Variants in ZNF267 observed in about 807,000 individuals in gnomAD.
ZNF267 encodes the protein zinc finger protein 267.
Under a neutral mutation model 71.6 loss-of-function variants are expected in ZNF267, and 61 were observed. The ratio of observed to expected loss-of-function variants is 0.85; its 90% CI spans 0.69 to 1.05. The LOEUF is 1.05. Among genes scored for constraint, ZNF267 ranks in the 50% least tolerant of loss-of-function variants. The pLI is 0.00. For synonymous variants in ZNF267, 288 were observed against 293.2 expected (o/e 0.98, Z 0.18); for missense variants, 852 against 870.0 (o/e 0.98, Z 0.26).
intron 3 of ZNF267, chr16:31,894,975 A>G: frequency 3.0e-6 from 1 of 334,164 alleles, no homozygotes; most frequent in South Asian, 3.1e-5. Flanking sequence ...TCTAGCATGC[A>G]GACCATCAAT....
rs146202698 is a variant in ZNF267 at position 31,906,161 on chromosome 16, G to T, written c.227-8315G>T. Among the ~76,000 whole-genome samples, 235 of 152,290 alleles carry T rather than the reference G, an allele frequency of 1.5e-3. 1 individual carries two copies. Among genetic ancestry groups the T allele is most frequent in the African/African-American group, 5.3e-3 (221 of 41,552 alleles). On this transcript the variant is annotated intron_variant, in intron 3 of 3. Transcript: ENST00000300870. ...CCTCTGGAAGTTTTGTCTCAGAGGAGTACCCGGCCGTGTGAGGTGTCAGTC... is the reference window on the plus strand; with the variant it reads ...CCTCTGGAAGTTTTGTCTCAGAGGATTACCCGGCCGTGTGAGGTGTCAGTC...
At position 31,916,274 on chromosome 16, in the gene ZNF267, C is replaced by T; in HGVS notation, c.2025C>T (p.Leu675=). ...CGKAFNSRSY[L]TTHRRRHTGE... ...AAGCCTTCAACTCTAGGTCATACCTCACTACACATCGGAGAAGACATACTG... is the reference window on the plus strand; with the variant it reads ...AAGCCTTCAACTCTAGGTCATACCTTACTACACATCGGAGAAGACATACTG... Residue 675 remains leucine (L), a synonymous_variant, in exon 4 of 4, where the codon CTC becomes CTT. Coordinates refer to ENST00000300870, the MANE Select transcript of ZNF267 (RefSeq NM_003414.6). 6.2e-7 allele frequency: 1 copy of T among 1,613,982 alleles called. No individual in the cohort carries two copies. The highest frequency in any genetic ancestry group is 8.5e-7 in the Non-Finnish European group (1 of 1,179,994).
rs1351179481 is a variant in ZNF267, at chr16:31,915,639, T to C, written c.1390T>C (p.Tyr464His). ...HQTTHTGEKLYKCKVCSKSYA... is the reference protein window; with the variant it reads ...HQTTHTGEKLHKCKVCSKSYA... Reference sequence around the variant, plus strand: ...GACAACTCATACAGGAGAAAAACTTTACAAATGTAAAGTATGTAGCAAATC... The same window carrying C: ...GACAACTCATACAGGAGAAAAACTTCACAAATGTAAAGTATGTAGCAAATC... Residue 464 changes from tyrosine (Y) to histidine (H), a missense_variant, in exon 4 of 4, where the codon TAC (tyrosine) becomes CAC (histidine). By Grantham distance (83) the Tyr-to-His change is moderately conservative. Transcript: ENST00000300870. The C allele has an allele frequency of 1.2e-6, 2 of 1,613,922 alleles. No homozygotes were observed. Among genetic ancestry groups the C allele is most frequent in the African/African-American group, 1.3e-5 (1 of 75,062 alleles).
At chr16:31,899,956 G>A (rs186862940) in intron 3 of ZNF267, among the ~76,000 whole-genome samples, 22 of 152,012 alleles carry the variant, frequency 1.4e-4, no homozygotes, top group Admixed American at 5.9e-4. Flanking sequence ...CTAGCTGCCA[G>A]TTGCATTTTA....
In ZNF267 at chr16:31,900,753, C is replaced by A. The variant is rs1016493025; in HGVS notation, c.227-13723C>A. Reference sequence around the variant, plus strand: ...GTCACTGTGCCCGGCCCCAAGAATTCTTTCTTTTTTTTTTTTTTTTTAATT... The same window carrying A: ...GTCACTGTGCCCGGCCCCAAGAATTATTTCTTTTTTTTTTTTTTTTTAATT... On this transcript the variant is annotated intron_variant, in intron 3 of 3. Coordinates refer to ENST00000300870, the MANE Select transcript of ZNF267 (RefSeq NM_003414.6). Among the ~76,000 whole-genome samples the A allele has an allele frequency of 7.8e-5, 6 of 77,038 alleles. No individual in the cohort carries two copies. In the East Asian group the frequency reaches 2.1e-3, roughly 26 times the overall value. The allele number at this position is 77,038 out of a possible 152,430, so 50.5% of individuals were successfully genotyped here.
rs1412042286 is a variant in ZNF267, at chr16:31,907,290, T to G, written c.227-7186T>G. Among the ~76,000 whole-genome samples the G allele has an allele frequency of 2.6e-5, 4 of 152,194 alleles. No individual in the cohort carries two copies. The South Asian group carries it at 8.3e-4, about 31-fold the overall frequency. On this transcript the variant is annotated intron_variant, in intron 3 of 3. Transcript: ENST00000300870. ...CTTCAAATAAATTTTCTGCTCTTTT[T>G]CAGTTTAGAATTCTCATGAGTATGT...
intron 3 of ZNF267, among the ~76,000 whole-genome samples, chr16:31,909,262 G>C (rs2142359712): frequency 6.6e-6 from 1 of 151,116 alleles, no homozygotes; most frequent in African/African-American, 2.4e-5. Flanking sequence ...CTCCCAAGTA[G>C]CTGGGACTCC....
chr16:31,875,399 A>T, intron 1 of ZNF267: 1 of 1,076,178 alleles, frequency 9.3e-7, no homozygotes, highest in Non-Finnish European at 1.2e-6. Flanking sequence ...ACCCCTTGGG[A>T]CATAAGGATT....
chr16:31,874,161 G>C, intron 1 of ZNF267, 192 bp downstream of exon 1: 1 of 614,042 alleles, frequency 1.6e-6, no homozygotes, highest in East Asian at 2.9e-5. Flanking sequence ...CCGGGACCCC[G>C]CGTGTCCTGT....
chr16:31,897,975 T>G (rs1231717677), intron 3 of ZNF267, among the ~76,000 whole-genome samples: 3 of 152,196 alleles, frequency 2.0e-5, no homozygotes, highest in Non-Finnish European at 4.4e-5. Flanking sequence ...ATATGTTAAG[T>G]CTAATTGTCT....
chr16:31,896,001 A>G (rs1253304464), intron 3 of ZNF267, among the ~76,000 whole-genome samples: 2 of 151,902 alleles, frequency 1.3e-5, no homozygotes, highest in African/African-American at 4.8e-5. Flanking sequence ...TTCTTTTGTT[A>G]TCTGTGCTTT....
At chr16:31,887,255 T>A (rs2083930500) in intron 3 of ZNF267, among the ~76,000 whole-genome samples, 1 of 151,464 alleles carries the variant, frequency 6.6e-6, no homozygotes. Context: ...GATTTACTTT[T>A]TTTTTTTTTT....
intron 3 of ZNF267, among the ~76,000 whole-genome samples, chr16:31,896,662 G>A (rs1159582201): frequency 2.6e-5 from 4 of 152,142 alleles, no homozygotes; most frequent in Non-Finnish European, 5.9e-5. Flanking sequence ...GTACAATACT[G>A]TTTAGTTTAC....
At chr16:31,904,629 A>G (rs1357643666) in intron 3 of ZNF267, among the ~76,000 whole-genome samples, 1 of 151,476 alleles carries the variant, frequency 6.6e-6, no homozygotes, top group Admixed American at 6.6e-5. Flanking sequence ...TTTGTTTTCC[A>G]TTTGCTTGGT....
At chr16:31,905,708 T>A (rs1002733555) in intron 3 of ZNF267, among the ~76,000 whole-genome samples, 2 of 152,188 alleles carry the variant, frequency 1.3e-5, no homozygotes, top group African/African-American at 4.8e-5. Flanking sequence ...TCAAGGTTTT[T>A]AACTTCTTTG....
At chr16:31,912,978 T>C (rs1484451977) in intron 3 of ZNF267, 1 of 152,222 alleles carries the variant, frequency 6.6e-6, no homozygotes, top group Non-Finnish European at 1.5e-5. Flanking sequence ...AAGTTACTTA[T>C]TTTGTTTCTC....
intron 1 of ZNF267, among the ~76,000 whole-genome samples, chr16:31,875,588 T>C (rs775738178): frequency 1.1e-4 from 17 of 152,150 alleles, no homozygotes; most frequent in Non-Finnish European, 1.9e-4. Flanking sequence ...AGTGAGGTGG[T>C]GCAAACTCGG....
At chr16:31,876,201 C>A (rs1219527734) in intron 1 of ZNF267, among the ~76,000 whole-genome samples, 1 of 152,050 alleles carries the variant, frequency 6.6e-6, no homozygotes, top group Non-Finnish European at 1.5e-5. Context: ...ATCCTCTTGT[C>A]TGGATGTTGA....
intron 2 of ZNF267, 129 bp downstream of exon 2, chr16:31,884,753 T>TCC: frequency 1.1e-6 from 1 of 946,196 alleles, no homozygotes; most frequent in South Asian, 2.1e-5. Context: ...AAATAGGGGT[T>TCC]TTGTTGAAGT....
Sources: allele counts gnomAD v4.1 joint callset (sites outside exome capture counted in the v4.1 genomes callset), GRCh38; gene constraint gnomAD v4.1.1; transcripts MANE v1.5; gene names NCBI Gene and HGNC (gene_info 2026-07-23, HGNC 2026-07-21).